STIM1: variants seen among roughly 807,000 people sequenced by gnomAD.
STIM1 encodes stromal interaction molecule 1.
STIM1 carries 25 observed loss-of-function variants against 74.7 expected under a neutral mutation model. That is an observed-to-expected ratio of 0.33 (90% CI 0.24 to 0.47). The LOEUF (loss-of-function observed/expected upper bound fraction) is 0.47. Among genes scored for constraint, STIM1 ranks in the 20% least tolerant of loss-of-function variants. The pLI, the probability that STIM1 is intolerant of heterozygous loss-of-function variation, is 1.00. For synonymous variants in STIM1, 328 were observed against 348.8 expected, an observed-to-expected ratio of 0.94 and a Z score of 0.66; for missense variants, 728 against 920.8, an observed-to-expected ratio of 0.79 and a Z score of 2.71.
intron 1 of STIM1, among the ~76,000 whole-genome samples, chr11:3,915,643 T>C (rs2092632704): frequency 6.6e-6 from 1 of 152,082 alleles, no homozygotes; most frequent in Admixed American, 6.6e-5. Context: ...GTGATCCACA[T>C]GCCTCAGCCT....
chr11:4,016,597 G>A (rs527555653), intron 2 of STIM1, among the ~76,000 whole-genome samples: 4 of 152,390 alleles, frequency 2.6e-5, no homozygotes, highest in Non-Finnish European at 5.9e-5. Context: ...GTCAGGCAGG[G>A]ACGTTTAAGT....
chr11:3,869,091 C>A (rs2090977239), intron 1 of STIM1, among the ~76,000 whole-genome samples: 2 of 152,106 alleles, frequency 1.3e-5, no homozygotes, highest in Non-Finnish European at 2.9e-5. Context: ...GCCTCAGCCT[C>A]CCGAGTAGCG....
chr11:3,911,602 C>T (rs1376105284), intron 1 of STIM1, among the ~76,000 whole-genome samples: 1 of 151,982 alleles, frequency 6.6e-6, no homozygotes, highest in Non-Finnish European at 1.5e-5. Context: ...GCTCAAGCTG[C>T]TCTCAAACTC....
chr11:4,042,431 T>C (rs1013153100), intron 3 of STIM1, among the ~76,000 whole-genome samples: 1 of 152,244 alleles, frequency 6.6e-6, no homozygotes, highest in Non-Finnish European at 1.5e-5. Context: ...TTGTTTATAG[T>C]GTTTTATTTT....
At chr11:3,932,577 G>T (rs552530853) in intron 1 of STIM1, among the ~76,000 whole-genome samples, 1 of 151,228 alleles carries the variant, frequency 6.6e-6, no homozygotes, top group South Asian at 2.1e-4. Flanking sequence ...CAGGAGAATG[G>T]CATGAATCCA....
chr11:3,992,959 A>G (rs1416229086), intron 2 of STIM1, among the ~76,000 whole-genome samples: 2 of 152,176 alleles, frequency 1.3e-5, no homozygotes, highest in Non-Finnish European at 2.9e-5. Context: ...TCCAAAATAG[A>G]ATCATTTCTC....
intron 4 of STIM1, 71 bp downstream of exon 4, chr11:4,055,708 T>G: frequency 8.3e-7 from 1 of 1,204,290 alleles, no homozygotes; most frequent in Non-Finnish European, 1.2e-6. Flanking sequence ...GCCTTCAGAT[T>G]GCTCTGGCCA....
At chr11:3,867,215 A>G (rs2090893231) in intron 1 of STIM1, 1 of 152,228 alleles carries the variant, frequency 6.6e-6, no homozygotes, top group Admixed American at 6.5e-5. Flanking sequence ...CTATTTACTA[A>G]GCACCTACTG....
intron 12 of STIM1, 71 bp from the exon 13 acceptor site, chr11:4,091,211 C>T: frequency 1.2e-6 from 2 of 1,605,892 alleles, no homozygotes; most frequent in Non-Finnish European, 1.7e-6. Context: ...GTCCCTCTCT[C>T]CTCTTCGCCT....
Position 4,068,011 on chromosome 11 carries a change from A to G in STIM1, c.614-2015A>G, listed in dbSNP as rs1336034489. On this transcript the variant is annotated intron_variant, in intron 5 of 12. Coordinates refer to ENST00000526596, the MANE Select transcript of STIM1 (RefSeq NM_001382567.1). The stretch of plus-strand genomic sequence containing the variant: ...TGGATGTGGCAGGTAGTATTTCCGG[A>G]CTTTATCTATACATTTGACAAGGCA... Among the ~76,000 whole-genome samples the G allele has an allele frequency of 3.3e-5, 5 of 152,142 alleles. No homozygotes were observed. In the East Asian group the frequency reaches 9.6e-4, roughly 29 times the overall value.
rs186029449 is a variant in STIM1, at chr11:3,901,116, A to G, written c.139+44707A>G. Among the ~76,000 whole-genome samples the G allele has an allele frequency of 7.9e-3, 1,200 of 152,216 alleles. 13 individuals carry two copies. Among genetic ancestry groups the G allele is most frequent in the African/African-American group, 0.028 (1,148 of 41,534 alleles). Reference sequence around the variant, plus strand: ...TGAGGCAGGAGAATTGCTTGAACCCAGGAGGCGGAGGCTGCAGTCACACCA... The same window carrying G: ...TGAGGCAGGAGAATTGCTTGAACCCGGGAGGCGGAGGCTGCAGTCACACCA... On this transcript the variant is annotated intron_variant, in intron 1 of 12. Coordinates refer to ENST00000526596, the MANE Select transcript of STIM1 (RefSeq NM_001382567.1).
At chr11:3,924,187 T>C (rs529003293) in intron 1 of STIM1, among the ~76,000 whole-genome samples, 2 of 150,314 alleles carry the variant, frequency 1.3e-5, no homozygotes, top group African/African-American at 4.9e-5. Flanking sequence ...GTCTTATATA[T>C]CTTTTTTTTT....
In STIM1 at chr11:4,070,125, A is replaced by G; in HGVS notation, c.713A>G (p.Lys238Arg). 6.2e-7 allele frequency: 1 copy of G among 1,614,190 alleles called. No individual in the cohort carries two copies. The highest frequency in any genetic ancestry group is 8.5e-7 in the Non-Finnish European group (1 of 1,180,030). Reference protein sequence around the residue: ...WFAYIQNRYSKEHMKKMMKDL... With the variant: ...WFAYIQNRYSREHMKKMMKDL... ...GCCTATATCCAGAACCGTTACTCCA[A>G]GGAGCACATGAAGAAGATGATGAAG... The change falls in exon 6 of 13, where the codon AAG becomes AGG. Residue 238 changes from lysine to arginine, a missense_variant. By Grantham distance (26) the Lys-to-Arg change is conservative. Around this residue, in one of 5 missense-constraint regions of STIM1, gnomAD observed 132 missense variants for 158.2 expected, o/e 0.83. Coordinates refer to ENST00000526596, the MANE Select transcript of STIM1 (RefSeq NM_001382567.1).
chr11:4,019,842 T>C (rs973844037), intron 2 of STIM1, among the ~76,000 whole-genome samples: 4 of 152,308 alleles, frequency 2.6e-5, no homozygotes, highest in African/African-American at 9.6e-5. Flanking sequence ...ATACACTATA[T>C]TATTGTTAAC....
intron 1 of STIM1, among the ~76,000 whole-genome samples, chr11:3,923,115 AC>A (rs1248228208): frequency 7.5e-5 from 11 of 146,798 alleles, no homozygotes; most frequent in South Asian, 2.2e-4. Flanking sequence ...AAAAAAAAAA[AC>A]AAACACTCTT....
chr11:3,985,120 CT>C (rs1394809279), intron 2 of STIM1, among the ~76,000 whole-genome samples: 3 of 152,288 alleles, frequency 2.0e-5, no homozygotes, highest in East Asian at 3.9e-4. Flanking sequence ...GATGGTACCC[CT>C]CATGTTTCCA....
At chr11:3,861,489 C>G (rs971633954) in intron 1 of STIM1, among the ~76,000 whole-genome samples, 10 of 152,088 alleles carry the variant, frequency 6.6e-5, no homozygotes, top group Admixed American at 6.6e-4. Flanking sequence ...CTGCCTCGGC[C>G]TCCCAAAGTG....
At chr11:4,057,591 C>G (rs1565162757) in intron 4 of STIM1, among the ~76,000 whole-genome samples, 1 of 152,170 alleles carries the variant, frequency 6.6e-6, no homozygotes, top group Non-Finnish European at 1.5e-5. Flanking sequence ...TCGCACTAGG[C>G]CGGGTGCAGT....
At chr11:3,937,164 A>G (rs889140365) in intron 1 of STIM1, among the ~76,000 whole-genome samples, 8 of 151,866 alleles carry the variant, frequency 5.3e-5, no homozygotes, top group African/African-American at 1.9e-4. Context: ...GATGGCATGC[A>G]TCTGTAGTCC....
Sources: allele counts gnomAD v4.1 joint callset (sites outside exome capture counted in the v4.1 genomes callset), GRCh38; gene constraint gnomAD v4.1.1; regional missense constraint gnomAD v4.1.1; transcripts MANE v1.5; gene names NCBI Gene and HGNC (gene_info 2026-07-23, HGNC 2026-07-21).